The following COL15A1 variants were observed in gnomAD, a reference collection of about 807,000 sequenced individuals.
COL15A1 encodes the protein collagen type XV alpha 1 chain.
In COL15A1, 111 loss-of-function variants were observed where a neutral mutation model predicts 165.9. That is an observed-to-expected ratio of 0.67 (90% CI 0.57 to 0.78). COL15A1 has a LOEUF of 0.78. Ranked by LOEUF, COL15A1 falls within the 30% of genes least tolerant of loss-of-function variation. The probability of loss-of-function intolerance (pLI) is 0.00; values close to 1 mark genes in which losing one functional copy is unlikely to be tolerated. For synonymous variants in COL15A1, 659 were observed against 674.8 expected, an observed-to-expected ratio of 0.98 and a Z score of 0.36; for missense variants, 1,745 against 1,789.7, an observed-to-expected ratio of 0.98 and a Z score of 0.45.
rs146938153 is a variant in COL15A1 at position 98,992,518 on chromosome 9, G to A, written c.804+3260G>A. Among the ~76,000 whole-genome samples the A allele has an allele frequency of 7.0e-4, 107 of 152,324 alleles. 1 individual carries two copies. Among genetic ancestry groups the A allele is most frequent in the African/African-American group, 2.0e-3 (83 of 41,578 alleles). On this transcript the variant is annotated intron_variant, in intron 5 of 41. Transcript: ENST00000375001. ...CACCTCCCCACAAGCAGAGGGAGCC[G>A]GCTTCAGCCTCTGCCAACCCAGAGA...
chr9:99,023,775 T>C (rs1251599381), intron 14 of COL15A1, among the ~76,000 whole-genome samples: 1 of 152,168 alleles, frequency 6.6e-6, no homozygotes, highest in African/African-American at 2.4e-5. Flanking sequence ...CTCTGCCAAC[T>C]GGCTTTCAAT....
At chr9:99,008,179 T>C (rs1371736837) in intron 9 of COL15A1, among the ~76,000 whole-genome samples, 1 of 152,172 alleles carries the variant, frequency 6.6e-6, no homozygotes, top group Middle Eastern at 3.2e-3. Context: ...GATTTGACTT[T>C]AAGGCCTTAA....
intron 24 of COL15A1, among the ~76,000 whole-genome samples, chr9:99,043,560 T>G (rs1007260913): frequency 6.6e-6 from 1 of 152,322 alleles, no homozygotes; most frequent in East Asian, 1.9e-4. Context: ...CTAATGCTTT[T>G]GTGCTTGCTT....
intron 2 of COL15A1, among the ~76,000 whole-genome samples, chr9:98,983,134 A>T (rs1222687694): frequency 6.6e-6 from 1 of 152,192 alleles, no homozygotes; most frequent in Non-Finnish European, 1.5e-5. Flanking sequence ...TTTTTTGTGT[A>T]ACCTAGATAT....
chr9:99,061,841 C>A, intron 36 of COL15A1, 130 bp from the exon 37 acceptor site: 2 of 922,188 alleles, frequency 2.2e-6, no homozygotes, highest in Non-Finnish European at 1.6e-6. Flanking sequence ...CTCTATCTGG[C>A]ACATTAACAA....
intron 2 of COL15A1, among the ~76,000 whole-genome samples, chr9:98,964,517 AGT>A (rs1475528929): frequency 2.6e-5 from 4 of 152,214 alleles, no homozygotes; most frequent in Non-Finnish European, 5.9e-5. Context: ...AGAAAGACAC[AGT>A]GTGTTTGACA....
intron 15 of COL15A1, 82 bp downstream of exon 15, chr9:99,025,081 C>T: frequency 7.9e-7 from 1 of 1,261,952 alleles, no homozygotes; most frequent in South Asian, 1.4e-5. Context: ...TTGCAAAACC[C>T]AGCACTGTCC....
chr9:99,065,365 T>C (rs1437168055), intron 39 of COL15A1, among the ~76,000 whole-genome samples: 1 of 151,898 alleles, frequency 6.6e-6, no homozygotes, highest in Non-Finnish European at 1.5e-5. Context: ...GATGAGACCA[T>C]AGGGCTTCTT....
intron 24 of COL15A1, among the ~76,000 whole-genome samples, chr9:99,042,936 G>A (rs555042658): frequency 3.9e-5 from 6 of 152,278 alleles, no homozygotes; most frequent in South Asian, 2.1e-4. Context: ...CCACTGACCC[G>A]TGTGGTGTGC....
chr9:99,051,005 C>A (rs1359378060), intron 30 of COL15A1, among the ~76,000 whole-genome samples: 5 of 152,152 alleles, frequency 3.3e-5, no homozygotes, highest in Non-Finnish European at 4.4e-5. Flanking sequence ...CAACAGCAAC[C>A]CAGTATGTGT....
At chr9:99,052,600 CTT>C (rs989511188) in intron 31 of COL15A1, among the ~76,000 whole-genome samples, 167 bp downstream of exon 31, 7 of 152,178 alleles carry the variant, frequency 4.6e-5, no homozygotes, top group African/African-American at 1.7e-4. Flanking sequence ...GTGCACCTCT[CTT>C]TGGTTTGGTC....
chr9:99,052,320 G>A, intron 30 of COL15A1, 68 bp from the exon 31 acceptor site: 2 of 1,164,256 alleles, frequency 1.7e-6, no homozygotes, highest in Non-Finnish European at 1.3e-6. Context: ...CCGGGACAGT[G>A]GCTGCCTGTT....
intron 11 of COL15A1, among the ~76,000 whole-genome samples, chr9:99,017,638 G>T (rs1008650821): frequency 5.9e-5 from 9 of 152,268 alleles, no homozygotes; most frequent in East Asian, 1.9e-4. Flanking sequence ...CTTTGGGCTT[G>T]CAGGGCATCT....
chr9:99,035,002 T>G lies in COL15A1; in HGVS notation c.2080-12T>G, dbSNP rs1221534733. 2 of 1,611,400 alleles carry G rather than the reference T, an allele frequency of 1.2e-6. No homozygotes were observed. The highest frequency in any genetic ancestry group is 1.7e-4 in the Middle Eastern group (1 of 6,060). On this transcript the variant is annotated splice_polypyrimidine_tract_variant and intron_variant, in intron 17 of 41. Transcript: ENST00000375001. ...CCAGGGCTAGATAATCAGCCTGCCC[T>G]CTTTCCTACAGGGTGACCCTGGCAA... is the stretch of plus-strand genomic sequence containing the variant.
At chr9:99,011,530 T>C (rs931354245) in intron 9 of COL15A1, among the ~76,000 whole-genome samples, 5 of 152,112 alleles carry the variant, frequency 3.3e-5, no homozygotes, top group African/African-American at 1.2e-4. Flanking sequence ...TCTATAACTT[T>C]CTTTACATCT....
chr9:99,037,615 G>C (rs948016479), intron 21 of COL15A1, among the ~76,000 whole-genome samples: 4 of 152,198 alleles, frequency 2.6e-5, no homozygotes, highest in African/African-American at 4.8e-5. Context: ...CAGAGTTCCT[G>C]TCTTCAAGGA....
chr9:98,960,019 A>G (rs914174807), intron 2 of COL15A1, among the ~76,000 whole-genome samples: 5 of 152,062 alleles, frequency 3.3e-5, no homozygotes, highest in East Asian at 1.9e-4. Context: ...AGCCTGCCCT[A>G]TGGAAATCCT....
At chr9:98,955,994 A>C (rs1837769873) in intron 2 of COL15A1, among the ~76,000 whole-genome samples, 1 of 152,252 alleles carries the variant, frequency 6.6e-6, no homozygotes. Flanking sequence ...CTGGTGCTTC[A>C]CATGAACCTA....
chr9:98,992,013 G>A (rs889334794), intron 5 of COL15A1, among the ~76,000 whole-genome samples: 5 of 152,262 alleles, frequency 3.3e-5, no homozygotes, highest in Non-Finnish European at 7.3e-5. Context: ...AGACATAAAA[G>A]TTCTCCAAGT....
Sources: allele counts gnomAD v4.1 joint callset (sites outside exome capture counted in the v4.1 genomes callset), GRCh38; gene constraint gnomAD v4.1.1; transcripts MANE v1.5; gene names NCBI Gene and HGNC (gene_info 2026-07-23, HGNC 2026-07-21).